ZDHHC14: variants seen among roughly 807,000 people sequenced by gnomAD.
ZDHHC14 encodes the protein zDHHC palmitoyltransferase 14.
ZDHHC14 carries 16 observed loss-of-function variants against 47.7 expected under a neutral mutation model. The ratio of observed to expected loss-of-function variants is 0.34; its 90% CI spans 0.23 to 0.51. The LOEUF is 0.51. Among genes scored for constraint, ZDHHC14 ranks in the 20% least tolerant of loss-of-function variants. The probability of loss-of-function intolerance (pLI) is 0.97; values close to 1 mark genes in which losing one functional copy is unlikely to be tolerated. For synonymous variants in ZDHHC14, 293 were observed against 278.9 expected, an observed-to-expected ratio of 1.05 and a Z score of -0.50; for missense variants, 515 against 662.5, an observed-to-expected ratio of 0.78 and a Z score of 2.44.
At chr6:157,645,918 A>T in intron 6 of ZDHHC14, 79 bp downstream of exon 6, 1 of 1,302,162 alleles carries the variant, frequency 7.7e-7, no homozygotes, top group Non-Finnish European at 1.1e-6. Flanking sequence ...GAAAAGGTTG[A>T]GCCCAGCTTT....
At chr6:157,645,653 CG>C in intron 5 of ZDHHC14, 83 bp from the exon 6 acceptor site, 3 of 1,053,180 alleles carry the variant, frequency 2.8e-6, no homozygotes, top group South Asian at 1.4e-5. Context: ...GGCCTGTGCC[CG>C]GGGGTGTTTC....
intron 1 of ZDHHC14, among the ~76,000 whole-genome samples, chr6:157,415,873 CAAA>C (rs754707638): frequency 2.7e-5 from 3 of 111,726 alleles, no homozygotes; most frequent in Non-Finnish European, 3.9e-5. Flanking sequence ...GACTTTGTCT[CAAA>C]AAAAAAAAAA....
intron 1 of ZDHHC14, among the ~76,000 whole-genome samples, chr6:157,443,739 C>A (rs1778604374): frequency 6.6e-6 from 1 of 152,180 alleles, no homozygotes; most frequent in Admixed American, 6.5e-5. Flanking sequence ...TGATCTGATA[C>A]ACTCTGGCCC....
chr6:157,575,855 G>T (rs923925214), intron 2 of ZDHHC14, among the ~76,000 whole-genome samples: 1 of 152,360 alleles, frequency 6.6e-6, no homozygotes, highest in Non-Finnish European at 1.5e-5. Flanking sequence ...AACCCTCAAT[G>T]CTCATAGGTG....
intron 3 of ZDHHC14, among the ~76,000 whole-genome samples, chr6:157,603,432 T>G (rs2114910642): frequency 6.6e-6 from 1 of 152,318 alleles, no homozygotes; most frequent in East Asian, 1.9e-4. Flanking sequence ...GCAGCCACAC[T>G]GAGAGGCCCT....
chr6:157,616,950 A>G (rs1423495131), intron 3 of ZDHHC14, among the ~76,000 whole-genome samples: 2 of 152,148 alleles, frequency 1.3e-5, no homozygotes, highest in African/African-American at 2.4e-5. Flanking sequence ...CAGATCTCAG[A>G]TTATGGACCA....
chr6:157,596,909 A>G (rs1003658347), intron 3 of ZDHHC14, among the ~76,000 whole-genome samples: 1 of 152,156 alleles, frequency 6.6e-6, no homozygotes, highest in Non-Finnish European at 1.5e-5. Context: ...CGTCTTCACA[A>G]AGTAGTAGGA....
At chr6:157,443,859 A>G (rs1223782272) in intron 1 of ZDHHC14, among the ~76,000 whole-genome samples, 7 of 152,138 alleles carry the variant, frequency 4.6e-5, no homozygotes, top group African/African-American at 1.4e-4. Flanking sequence ...TAGAGTGGAG[A>G]TGTCTGCCTT....
chr6:157,383,771 G>T (rs1777259655), intron 1 of ZDHHC14, among the ~76,000 whole-genome samples: 2 of 152,204 alleles, frequency 1.3e-5, no homozygotes, highest in Non-Finnish European at 2.9e-5. Context: ...GACACTAGTA[G>T]GTAGAGTCAG....
Position 157,654,740 on chromosome 6 carries a change from C to CTT in ZDHHC14, c.1068+1124_1068+1125dup, listed in dbSNP as rs11376227. The stretch of plus-strand genomic sequence containing the variant: ...TTTACTAATAAAGCGTTTTCTCTCT[C>CTT]TTTTTTTTTTTTGGAGACAGAGTCT... On this transcript the variant is annotated intron_variant, in intron 8 of 8. Transcript: ENST00000359775. 4.0e-3 allele frequency among the ~76,000 whole-genome samples: 578 copies of CTT among 145,898 alleles called. 5 individuals are homozygous for CTT. Among genetic ancestry groups the CTT allele is most frequent in the African/African-American group, 0.012 (492 of 39,802 alleles).
At chr6:157,524,385 C>G (rs150599380) in intron 1 of ZDHHC14, among the ~76,000 whole-genome samples, 7 of 152,010 alleles carry the variant, frequency 4.6e-5, no homozygotes, top group Non-Finnish European at 4.4e-5. Context: ...CTGCCTGCCT[C>G]GGCCTCCCAA....
At chr6:157,662,464 G>C (rs1426444109) in intron 8 of ZDHHC14, among the ~76,000 whole-genome samples, 1 of 152,268 alleles carries the variant, frequency 6.6e-6, no homozygotes, top group African/African-American at 2.4e-5. Flanking sequence ...TTACAGGCGT[G>C]AGCCCCCGCG....
chr6:157,583,515 TTTG>T (rs1489912707), intron 2 of ZDHHC14, among the ~76,000 whole-genome samples: 15 of 152,208 alleles, frequency 9.9e-5, no homozygotes, highest in African/African-American at 3.6e-4. Flanking sequence ...GTTCGTTTGT[TTTG>T]TTGTTATTGT....
rs183997164 is a variant in ZDHHC14, at chr6:157,580,869, A to G, written c.407-12119A>G. On this transcript the variant is annotated intron_variant, in intron 2 of 8. Coordinates refer to ENST00000359775, the MANE Select transcript of ZDHHC14 (RefSeq NM_024630.3). Reference sequence around the variant, plus strand: ...TCTTATTAATTTTTTCAAAGAACCAACTCCTGGATTTGTTGATGTTTTATA... The same window carrying G: ...TCTTATTAATTTTTTCAAAGAACCAGCTCCTGGATTTGTTGATGTTTTATA... Among the ~76,000 whole-genome samples the G allele has an allele frequency of 1.3e-4, 19 of 146,626 alleles. No homozygotes were observed. In the Admixed American group the frequency reaches 1.3e-3, roughly 10 times the overall value.
At chr6:157,646,664 C>T (rs1302219445) in intron 6 of ZDHHC14, among the ~76,000 whole-genome samples, 2 of 151,074 alleles carry the variant, frequency 1.3e-5, no homozygotes, top group Non-Finnish European at 2.9e-5. Flanking sequence ...GTTTCCAGAG[C>T]AGCGTGGTCC....
At chr6:157,606,318 T>G in intron 3 of ZDHHC14, among the ~76,000 whole-genome samples, 1 of 152,082 alleles carries the variant, frequency 6.6e-6, no homozygotes, top group East Asian at 1.9e-4. Context: ...ATACAAAAAT[T>G]AGCTGGGCAT....
At chr6:157,410,085 C>G (rs1777844851) in intron 1 of ZDHHC14, among the ~76,000 whole-genome samples, 1 of 152,148 alleles carries the variant, frequency 6.6e-6, no homozygotes, top group South Asian at 2.1e-4. Context: ...CCCGCGCTGG[C>G]AGCTGTTCTA....
intron 3 of ZDHHC14, among the ~76,000 whole-genome samples, chr6:157,601,091 C>G (rs1047989752): frequency 6.6e-6 from 1 of 152,196 alleles, no homozygotes; most frequent in Non-Finnish European, 1.5e-5. Flanking sequence ...CACGGGGCTC[C>G]TGACCCACAA....
At chr6:157,527,738 A>G (rs1781210075) in intron 1 of ZDHHC14, among the ~76,000 whole-genome samples, 1 of 152,230 alleles carries the variant, frequency 6.6e-6, no homozygotes, top group South Asian at 2.1e-4. Context: ...CTTGGCAGCC[A>G]TGTAACGGTC....
Sources: allele counts gnomAD v4.1 joint callset (sites outside exome capture counted in the v4.1 genomes callset), GRCh38; gene constraint gnomAD v4.1.1; transcripts MANE v1.5; gene names NCBI Gene and HGNC (gene_info 2026-07-23, HGNC 2026-07-21).